Variants in GALNT9 observed in about 807,000 individuals in gnomAD.
GALNT9 encodes polypeptide N-acetylgalactosaminyltransferase 9, also known as GalNAc transferase 9.
In GALNT9, 47 loss-of-function variants were observed where a neutral mutation model predicts 63.1. The observed-to-expected ratio is 0.75, with a 90% CI of 0.59 to 0.95. The LOEUF is 0.95. Among genes scored for constraint, GALNT9 ranks in the 40% least tolerant of loss-of-function variants. GALNT9 has a pLI of 0.00. For synonymous variants in GALNT9, 396 were observed against 365.7 expected (o/e 1.08, Z -0.94); for missense variants, 829 against 874.8 (o/e 0.95, Z 0.66).
intron 6 of GALNT9, among the ~76,000 whole-genome samples, chr12:132,209,440 C>T (rs1333894753): frequency 1.3e-5 from 2 of 151,996 alleles, no homozygotes; most frequent in African/African-American, 2.4e-5. Context: ...GTCCCAGCTA[C>T]TTGGGAGGCT....
intron 2 of GALNT9, among the ~76,000 whole-genome samples, chr12:132,272,434 G>A (rs1431616860): frequency 6.6e-6 from 1 of 152,228 alleles, no homozygotes; most frequent in Non-Finnish European, 1.5e-5. Flanking sequence ...TTAGTTCCCG[G>A]CTTCCCGTGA....
Position 132,197,767 on chromosome 12 carries a change from C to T in GALNT9, c.1665+25G>A, listed in dbSNP as rs771383942. 717 of 1,459,828 alleles carry T rather than the reference C, an allele frequency of 4.9e-4. 4 individuals carry two copies. Among genetic ancestry groups the T allele is most frequent in the South Asian group, 2.6e-4 (21 of 81,596 alleles). The allele number at this position is 1,459,828 out of a possible 1,614,324, so 90.4% of individuals were successfully genotyped here. A position where few individuals can be genotyped will look rare whatever the true frequency, so the allele number is the denominator to read the frequency against. On this transcript the variant is annotated intron_variant, in intron 10 of 10. Coordinates refer to ENST00000328957, the MANE Select transcript of GALNT9 (RefSeq NM_001122636.2). ...GCAGCCCTGCCCCGCCCCAACCCCA[C>T]GGCCCCCCTTCCCCAGAGGCTGACC...
chr12:132,245,474 G>A lies in GALNT9; in HGVS notation c.1077+2436C>T, dbSNP rs1593082392. On this transcript the variant is annotated intron_variant, in intron 6 of 10. Coordinates refer to ENST00000328957, the MANE Select transcript of GALNT9 (RefSeq NM_001122636.2). The surrounding 1 kb of genome is among the most constrained non-coding windows in gnomAD (Gnocchi z 6.3). ...AGAAAGGCCCATGTGTCATGGAGAC[G>A]GGAGGGAAGCTCTCCAACGGCTGCA... Among the ~76,000 whole-genome samples, 1 of 152,076 alleles carries A rather than the reference G, an allele frequency of 6.6e-6. No homozygotes were observed.
At chr12:132,208,413 A>C (rs1876815652) in intron 6 of GALNT9, among the ~76,000 whole-genome samples, 1 of 152,214 alleles carries the variant, frequency 6.6e-6, no homozygotes, top group Non-Finnish European at 1.5e-5. Flanking sequence ...CTGTGTGTGC[A>C]GCTCTCCCCA....
chr12:132,267,585 G>A (rs962574399), intron 2 of GALNT9, among the ~76,000 whole-genome samples: 1 of 152,186 alleles, frequency 6.6e-6, no homozygotes, highest in Non-Finnish European at 1.5e-5. Flanking sequence ...AGAACCAAGC[G>A]GGAGGACTCA....
At chr12:132,292,141 TCATTTTCCTCC>T (rs1880883581) in intron 1 of GALNT9, among the ~76,000 whole-genome samples, 1 of 131,114 alleles carries the variant, frequency 7.6e-6, no homozygotes, top group Non-Finnish European at 1.7e-5. Flanking sequence ...CCTCCCTGCC[TCATTTTCCTCC>T]CAGAACTCAG....
intron 6 of GALNT9, among the ~76,000 whole-genome samples, chr12:132,229,310 A>G (rs993189778): frequency 0.01 from 1,535 of 152,200 alleles, 23 homozygotes; most frequent in African/African-American, 0.034. Context: ...AAGCCCCACG[A>G]GGCGCACGCT....
intron 8 of GALNT9, 148 bp from the exon 9 acceptor site, chr12:132,199,417 G>A (rs139458645): frequency 3.0e-5 from 18 of 605,490 alleles, no homozygotes; most frequent in African/African-American, 1.5e-4. Context: ...CGGGTGGGCT[G>A]CCTGGGAAGG....
At chr12:132,219,084 G>T (rs539516595) in intron 6 of GALNT9, among the ~76,000 whole-genome samples, 63 of 152,188 alleles carry the variant, frequency 4.1e-4, no homozygotes, top group Middle Eastern at 3.4e-3. Context: ...AGTGCCTGAG[G>T]CTTCTCACCC....
chr12:132,197,870 G>A lies in GALNT9; in HGVS notation c.1587C>T (p.Asp529=), dbSNP rs777313868. 2.2e-5 allele frequency: 35 copies of A among 1,610,360 alleles called. No individual in the cohort carries two copies. Among genetic ancestry groups the A allele is most frequent in the Admixed American group, 1.3e-4 (8 of 59,760 alleles). ...TCAGGGTGGGCATGCGGCCCGTGCC[G>A]TCATCCACCAGACACTTGGAGTCAG... ...FLPDSKCLVD[D]GTGRMPTLKK... The change falls in exon 10 of 11, where the codon GAC becomes GAT. Residue 529 remains aspartate (D), a synonymous_variant. Transcript: ENST00000328957.
chr12:132,282,468 C>T lies in GALNT9; in HGVS notation c.419+3782G>A, dbSNP rs138292576. Reference sequence around the variant, plus strand: ...GTGTGCGTGTGCATGTGTGTGTGCACGCATGTGGTAATTTATTGCAAAGTC... The same window carrying T: ...GTGTGCGTGTGCATGTGTGTGTGCATGCATGTGGTAATTTATTGCAAAGTC... On this transcript the variant is annotated intron_variant, in intron 2 of 10. Coordinates refer to ENST00000328957, the MANE Select transcript of GALNT9 (RefSeq NM_001122636.2). The surrounding 1 kb of genome is among the most constrained non-coding windows in gnomAD (Gnocchi z 4.5). Among the ~76,000 whole-genome samples, 559 of 152,268 alleles carry T rather than the reference C, an allele frequency of 3.7e-3. 5 individuals carry two copies. Among genetic ancestry groups the T allele is most frequent in the African/African-American group, 0.013 (525 of 41,544 alleles).
In GALNT9 at chr12:132,201,139, G is replaced by A. The variant is rs750649859; in HGVS notation, c.1386C>T (p.Thr462=). The A allele has an allele frequency of 1.2e-6, 2 of 1,613,372 alleles. No homozygotes were observed. Among genetic ancestry groups the A allele is most frequent in the South Asian group, 2.2e-5 (2 of 90,878 alleles). The part of the protein sequence containing the change: ...VYPEMRVYNN[T]LTYGEVRNSK... ...GAGGTGCTACCTCTCCGTACGTGAGGGTGTTGTTGTAGACCCTCATCTCCG... is the reference window on the plus strand; with the variant it reads ...GAGGTGCTACCTCTCCGTACGTGAGAGTGTTGTTGTAGACCCTCATCTCCG... Residue 462 remains threonine (T), a synonymous_variant, in exon 8 of 11, where the codon ACC becomes ACT. Coordinates refer to ENST00000328957, the MANE Select transcript of GALNT9 (RefSeq NM_001122636.2).
intron 1 of GALNT9, among the ~76,000 whole-genome samples, chr12:132,301,581 G>GCC (rs1555243836): frequency 6.6e-6 from 1 of 152,226 alleles, no homozygotes; most frequent in East Asian, 1.9e-4. Context: ...AACATTCACC[G>GCC]CCGGCACAGC....
At chr12:132,323,489 G>A (rs1868893757) in intron 1 of GALNT9, among the ~76,000 whole-genome samples, 1 of 152,266 alleles carries the variant, frequency 6.6e-6, no homozygotes, top group South Asian at 2.1e-4. Flanking sequence ...AAGGGAACGG[G>A]CTGAGTGGCT....
At chr12:132,217,163 T>G (rs1374757356) in intron 6 of GALNT9, among the ~76,000 whole-genome samples, 1 of 152,184 alleles carries the variant, frequency 6.6e-6, no homozygotes, top group Admixed American at 6.5e-5. Flanking sequence ...ACCTAGCCAC[T>G]ATCTATCCAC....
At chr12:132,292,217 C>T (rs561573040) in intron 1 of GALNT9, among the ~76,000 whole-genome samples, 24 of 152,370 alleles carry the variant, frequency 1.6e-4, no homozygotes, top group African/African-American at 4.3e-4. Flanking sequence ...TTCCCCTCAA[C>T]GTGCAAGAGA....
At chr12:132,267,260 G>C (rs1320357569) in intron 2 of GALNT9, among the ~76,000 whole-genome samples, 1 of 152,110 alleles carries the variant, frequency 6.6e-6, no homozygotes, top group Non-Finnish European at 1.5e-5. Flanking sequence ...CATGGCGCCA[G>C]CTTGTGGCAG....
chr12:132,203,760 C>G lies in GALNT9; in HGVS notation c.1078-70G>C, dbSNP rs1011937142. 83 of 1,530,708 alleles carry G rather than the reference C, an allele frequency of 5.4e-5. No homozygotes were observed. In the South Asian group the frequency reaches 8.6e-4, roughly 16 times the overall value. The allele number at this position is 1,530,708 out of a possible 1,614,324, so 94.8% of individuals were successfully genotyped here. On this transcript the variant is annotated intron_variant, in intron 6 of 10. Transcript: ENST00000328957. ...GCGGGCAGCCCGGCCAGCTAGGGGCCCGTGAGAGGCCAAGGGGCCCGGCCC... is the reference window on the plus strand; with the variant it reads ...GCGGGCAGCCCGGCCAGCTAGGGGCGCGTGAGAGGCCAAGGGGCCCGGCCC...
At chr12:132,266,219 C>A (rs1185882827) in intron 2 of GALNT9, among the ~76,000 whole-genome samples, 1 of 152,202 alleles carries the variant, frequency 6.6e-6, no homozygotes, top group Non-Finnish European at 1.5e-5. Flanking sequence ...CCTTTACACG[C>A]CTGACCTCAC....
Sources: gnomAD v4.1 joint callset for allele counts (sites outside exome capture counted in the v4.1 genomes callset) on GRCh38, gnomAD v4.1.1 for gene constraint, Gnocchi (gnomAD v3.1) non-coding constraint, MANE v1.5 for transcripts, NCBI Gene and HGNC (gene_info 2026-07-23, HGNC 2026-07-21) for gene names.